ZC4H2: variants seen among roughly 807,000 people sequenced by gnomAD.
ZC4H2 encodes the protein zinc finger C4H2 domain-containing protein.
For synonymous variants in ZC4H2, 84 were observed against 66.3 expected (o/e 1.27, Z -1.30); for missense variants, 137 against 173.9 (o/e 0.79, Z 1.19).
chrX:64,947,267 T>C (rs1190524940), intron 1 of ZC4H2, among the ~76,000 whole-genome samples: 1 of 112,143 alleles, frequency 8.9e-6, no homozygotes, highest in Non-Finnish European at 1.9e-5. Flanking sequence ...GGTCTATCTA[T>C]TTTGGTATAT....
At chrX:64,999,308 G>C (rs932467009) in intron 1 of ZC4H2, among the ~76,000 whole-genome samples, 11 of 111,235 alleles carry the variant, frequency 9.9e-5, no homozygotes, top group African/African-American at 3.6e-4. Context: ...GAAGCAGGGT[G>C]GGGTATTGCC....
rs1213298549 is a variant in ZC4H2, at chrX:64,917,582, A to C, written c.*201T>G. On this transcript the variant is annotated 3_prime_UTR_variant, in exon 5 of 5. Coordinates refer to ENST00000374839, the MANE Select transcript of ZC4H2 (RefSeq NM_018684.4). ...GGGATCATCAGACACACTGTTTAGC[A>C]CCTGAACCACATCTCTTCCTAAACC... 1 of 504,319 alleles carries C rather than the reference A, an allele frequency of 2.0e-6. No individual in the cohort carries two copies. The highest frequency in any genetic ancestry group is 3.1e-6 in the Non-Finnish European group (1 of 321,073). 41.6% of individuals were successfully genotyped at this position (504,319 alleles called of 1,213,427 possible).
intron 1 of ZC4H2, among the ~76,000 whole-genome samples, chrX:64,961,385 T>C (rs1227135844): frequency 8.9e-6 from 1 of 111,775 alleles, no homozygotes; most frequent in Non-Finnish European, 1.9e-5. Flanking sequence ...AAGAAATTTT[T>C]TGATCTTAGA....
chrX:65,008,669 G>A (rs1932708535), intron 1 of ZC4H2, among the ~76,000 whole-genome samples: 1 of 112,169 alleles, frequency 8.9e-6, no homozygotes, highest in South Asian at 3.7e-4. Flanking sequence ...GCAACAACCT[G>A]GATGGAACTG....
At chrX:65,017,154 C>T (rs966482112) in intron 1 of ZC4H2, among the ~76,000 whole-genome samples, 4 of 111,883 alleles carry the variant, frequency 3.6e-5, no homozygotes, top group African/African-American at 1.3e-4. Context: ...TTTCTCTCAC[C>T]TCTTTGGGCT....
At chrX:64,958,395 G>GTA (rs1433783270) in intron 1 of ZC4H2, among the ~76,000 whole-genome samples, 3 of 107,001 alleles carry the variant, frequency 2.8e-5, no homozygotes, top group Non-Finnish European at 5.6e-5. Context: ...GTGTGTGTGT[G>GTA]TATTTGTGTG....
At chrX:64,961,807 G>T (rs1319860891) in intron 1 of ZC4H2, among the ~76,000 whole-genome samples, 1 of 111,053 alleles carries the variant, frequency 9.0e-6, no homozygotes, top group Non-Finnish European at 1.9e-5. Context: ...CAACAAATTG[G>T]ATAACATAAA....
chrX:64,936,089 G>C (rs1006057768), intron 1 of ZC4H2, among the ~76,000 whole-genome samples: 2 of 109,495 alleles, frequency 1.8e-5, no homozygotes, highest in East Asian at 5.8e-4. Flanking sequence ...TGACCTGATG[G>C]GGATAAAAAC....
chrX:64,935,040 C>G lies in ZC4H2; in HGVS notation c.54-13052G>C, dbSNP rs975908933. On this transcript the variant is annotated intron_variant, in intron 1 of 4. Coordinates refer to ENST00000374839, the MANE Select transcript of ZC4H2 (RefSeq NM_018684.4). ...GCCAAGTAGTCTTGCTCAGTGGGTT[C>G]CAACCCCATGGATCCCAGCAAACTA... Among the ~76,000 whole-genome samples the G allele has an allele frequency of 3.6e-5, 4 of 111,228 alleles. No individual in the cohort carries two copies. In the Admixed American group the frequency reaches 3.8e-4, roughly 11 times the overall value.
At chrX:64,968,651 A>G (rs1053993007) in intron 1 of ZC4H2, among the ~76,000 whole-genome samples, 4 of 111,542 alleles carry the variant, frequency 3.6e-5, no homozygotes, top group African/African-American at 1.3e-4. Flanking sequence ...AAGAGGCTAA[A>G]GCACAGCTAG....
At position 65,005,384 on chromosome X, in the gene ZC4H2, T is replaced by C. The variant is rs376748522; in HGVS notation, c.-272+29245A>G. On this transcript the variant is annotated intron_variant, in intron 1 of 4. Transcript: ENST00000337990. ...CATGATACTGGTACCAAAACAGAGATATAGACCAATAGAACAGAACAGAGG... is the reference window on the plus strand; with the variant it reads ...CATGATACTGGTACCAAAACAGAGACATAGACCAATAGAACAGAACAGAGG... Among the ~76,000 whole-genome samples, 11 of 111,034 alleles carry C rather than the reference T, an allele frequency of 9.9e-5. No homozygotes were observed. In the South Asian group the frequency reaches 3.8e-3, roughly 38 times the overall value.
chrX:65,002,191 T>C (rs1351705994), intron 1 of ZC4H2, among the ~76,000 whole-genome samples: 1 of 112,169 alleles, frequency 8.9e-6, no homozygotes, highest in South Asian at 3.7e-4. Flanking sequence ...GACCACATAA[T>C]TGGAAGTAAA....
At chrX:64,919,500 C>T (rs897019614) in intron 3 of ZC4H2, 4 of 233,536 alleles carry the variant, frequency 1.7e-5, no homozygotes, top group African/African-American at 1.1e-4. Context: ...TTGAGTATTC[C>T]TATTAAGTGT....
At chrX:64,996,966 T>A (rs1011775348) in intron 1 of ZC4H2, among the ~76,000 whole-genome samples, 1 of 112,172 alleles carries the variant, frequency 8.9e-6, no homozygotes, top group Non-Finnish European at 1.9e-5. Flanking sequence ...CAAAATTTGA[T>A]GAAAGGCATG....
intron 1 of ZC4H2, among the ~76,000 whole-genome samples, chrX:64,941,421 A>T (rs925333412): frequency 2.7e-5 from 3 of 111,912 alleles, no homozygotes; most frequent in African/African-American, 9.7e-5. Flanking sequence ...CAGAACTTCC[A>T]ATACTATGTT....
At chrX:64,958,138 C>T (rs1421652149) in intron 1 of ZC4H2, among the ~76,000 whole-genome samples, 1 of 112,042 alleles carries the variant, frequency 8.9e-6, no homozygotes, top group Non-Finnish European at 1.9e-5. Context: ...ACACCAGTAA[C>T]ATAGTCATTT....
At chrX:64,919,959 G>A (rs958946804) in intron 3 of ZC4H2, 122 bp downstream of exon 3, 5 of 746,281 alleles carry the variant, frequency 6.7e-6, no homozygotes, top group Admixed American at 8.6e-5. Context: ...ACTAAAACTA[G>A]GCACTCTGAC....
At chrX:65,027,189 G>GA (rs1293502683) in intron 1 of ZC4H2, among the ~76,000 whole-genome samples, 1 of 112,101 alleles carries the variant, frequency 8.9e-6, no homozygotes. Flanking sequence ...GCATGAAGTA[G>GA]AATGTAGAGA....
chrX:64,975,913 C>G (rs1188796927), intron 1 of ZC4H2, among the ~76,000 whole-genome samples: 4 of 111,512 alleles, frequency 3.6e-5, no homozygotes, highest in Non-Finnish European at 7.5e-5. Flanking sequence ...ATGCGCTAGA[C>G]TTGGCTCTCA....
Sources: allele counts gnomAD v4.1 joint callset (sites outside exome capture counted in the v4.1 genomes callset), GRCh38; gene constraint gnomAD v4.1.1; transcripts MANE v1.5; gene names NCBI Gene and HGNC (gene_info 2026-07-23, HGNC 2026-07-21).